CCDC3: variants seen among roughly 807,000 people sequenced by gnomAD.
CCDC3 encodes coiled-coil domain containing 3.
CCDC3 carries 24 observed loss-of-function variants against 21.4 expected under a neutral mutation model. The ratio of observed to expected loss-of-function variants is 1.12; its 90% CI spans 0.81 to 1.58. The LOEUF (loss-of-function observed/expected upper bound fraction) is 1.58. Among genes scored for constraint, CCDC3 ranks in the 40% most tolerant of loss-of-function variants. CCDC3 has a pLI of 0.00. For missense variants in CCDC3, 425 were observed against 360.9 expected, an observed-to-expected ratio of 1.18 and a Z score of -1.44; for synonymous variants, 186 against 166.0, an observed-to-expected ratio of 1.12 and a Z score of -0.93.
intron 2 of CCDC3, among the ~76,000 whole-genome samples, chr10:12,958,190 C>T (rs912022236): frequency 6.6e-6 from 1 of 152,060 alleles, no homozygotes; most frequent in South Asian, 2.1e-4. Flanking sequence ...ACAAGAACAA[C>T]CTAATACAAA....
intron 2 of CCDC3, among the ~76,000 whole-genome samples, chr10:12,905,202 C>T (rs569153781): frequency 1.8e-3 from 281 of 152,334 alleles, no homozygotes; most frequent in Admixed American, 3.4e-3. Flanking sequence ...GAGCAGTGAT[C>T]AGGAAACGAT....
intron 2 of CCDC3, among the ~76,000 whole-genome samples, chr10:12,990,481 G>T (rs967318754): frequency 6.6e-6 from 1 of 152,130 alleles, no homozygotes; most frequent in African/African-American, 2.4e-5. Flanking sequence ...GAAATGAAGG[G>T]CCAAATATAT....
intron 2 of CCDC3, among the ~76,000 whole-genome samples, chr10:12,968,262 A>T (rs1365868979): frequency 6.6e-6 from 1 of 151,882 alleles, no homozygotes; most frequent in African/African-American, 2.4e-5. Context: ...ACAGGAAAAC[A>T]ATATATAAAG....
chr10:13,051,869 G>A (rs17596659), intron 4 of CCDC3, among the ~76,000 whole-genome samples: 33,875 of 151,978 alleles, frequency 0.22, 4,257 homozygotes, highest in Middle Eastern at 0.39. Context: ...GCTGACTTCC[G>A]GACTGAGCAC....
At chr10:13,042,691 G>A (rs375962477) in intron 5 of CCDC3, among the ~76,000 whole-genome samples, 14 of 151,560 alleles carry the variant, frequency 9.2e-5, no homozygotes, top group African/African-American at 1.9e-4. Flanking sequence ...GGCGGATCAC[G>A]AGGTCAGGAG....
intron 4 of CCDC3, among the ~76,000 whole-genome samples, chr10:13,072,940 C>A (rs1836903950): frequency 1.4e-5 from 2 of 147,398 alleles, no homozygotes. Flanking sequence ...GATCTCGGCT[C>A]ACTGCAACCT....
chr10:13,047,216 C>T (rs1026463917), intron 5 of CCDC3, among the ~76,000 whole-genome samples: 7 of 152,142 alleles, frequency 4.6e-5, no homozygotes, highest in Non-Finnish European at 8.8e-5. Flanking sequence ...AACCATGTAC[C>T]TGTGTAGCCT....
upstream of CCDC3, among the ~76,000 whole-genome samples, chr10:13,005,133 C>T (rs1320060209): frequency 6.6e-6 from 1 of 152,178 alleles, no homozygotes; most frequent in Non-Finnish European, 1.5e-5. Flanking sequence ...ACAAAATCTG[C>T]TGCTCAAAGT....
chr10:13,054,126 C>G (rs1477032316), intron 4 of CCDC3, among the ~76,000 whole-genome samples: 1 of 127,210 alleles, frequency 7.9e-6, no homozygotes, highest in African/African-American at 3.0e-5. Context: ...GCCTGGGTGA[C>G]AGAGAGAGAG....
chr10:13,029,291 C>T (rs1195544830), intron 5 of CCDC3, among the ~76,000 whole-genome samples: 2 of 152,144 alleles, frequency 1.3e-5, no homozygotes, highest in East Asian at 3.8e-4. Flanking sequence ...AGAAGGAAAA[C>T]TAACAAATAG....
intron 5 of CCDC3, among the ~76,000 whole-genome samples, chr10:13,027,066 T>C (rs1441652627): frequency 6.6e-6 from 1 of 152,210 alleles, no homozygotes; most frequent in Non-Finnish European, 1.5e-5. Flanking sequence ...TGGTACTTTG[T>C]AAAGGACCTG....
intron 2 of CCDC3, among the ~76,000 whole-genome samples, chr10:12,976,482 G>A (rs1024841867): frequency 6.6e-6 from 1 of 152,112 alleles, no homozygotes; most frequent in South Asian, 2.1e-4. Context: ...GGAATTCTCT[G>A]GCAGACACCT....
upstream of CCDC3, among the ~76,000 whole-genome samples, chr10:13,002,009 ACT>A (rs1835865292): frequency 6.6e-6 from 1 of 152,150 alleles, no homozygotes; most frequent in Non-Finnish European, 1.5e-5. Flanking sequence ...TTAAAGAATG[ACT>A]CTTAATTTGC....
chr10:13,030,484 C>T (rs4428965), intron 5 of CCDC3, among the ~76,000 whole-genome samples: 37,612 of 152,066 alleles, frequency 0.25, 5,161 homozygotes, highest in East Asian at 0.48. Context: ...AAAATTCACA[C>T]ATAACAATAT....
At chr10:12,923,888 A>G (rs2131219474) in intron 2 of CCDC3, among the ~76,000 whole-genome samples, 1 of 152,334 alleles carries the variant, frequency 6.6e-6, no homozygotes, top group Non-Finnish European at 1.5e-5. Context: ...CGATAAGGAC[A>G]TCTGAACTCG....
chr10:12,932,310 A>G (rs1182564613), intron 2 of CCDC3, among the ~76,000 whole-genome samples: 2 of 152,262 alleles, frequency 1.3e-5, no homozygotes, highest in African/African-American at 2.4e-5. Context: ...ATTGAACATC[A>G]TAGCTTACCT....
chr10:12,969,709 TTAA>T (rs1056512895), intron 2 of CCDC3, among the ~76,000 whole-genome samples: 2 of 148,956 alleles, frequency 1.3e-5, no homozygotes, highest in Non-Finnish European at 3.0e-5. Flanking sequence ...AAAAAATATT[TTAA>T]TAATTTTAAT....
At chr10:12,920,301 C>A (rs575035317) in intron 2 of CCDC3, among the ~76,000 whole-genome samples, 56 of 152,188 alleles carry the variant, frequency 3.7e-4, no homozygotes, top group Non-Finnish European at 7.9e-4. Context: ...ATGGGGGAAA[C>A]AGTCCCTATG....
chr10:13,097,431 A>C (rs1832642108), intron 3 of CCDC3, among the ~76,000 whole-genome samples: 4 of 152,128 alleles, frequency 2.6e-5, no homozygotes, highest in Non-Finnish European at 5.9e-5. Context: ...CCTTATCTAA[A>C]ATTTTTGGGT....
Sources: allele counts gnomAD v4.1 joint callset (sites outside exome capture counted in the v4.1 genomes callset), GRCh38; gene constraint gnomAD v4.1.1; transcripts MANE v1.5; gene names NCBI Gene and HGNC (gene_info 2026-07-23, HGNC 2026-07-21).